SLC38A12: variants seen among roughly 807,000 people sequenced by gnomAD.
SLC38A12 encodes the protein putative sodium-coupled neutral amino acid transporter 12.
chr17:74,795,676 C>T, the SLC38A12 span: 1 of 1,498,914 alleles, frequency 6.7e-7, no homozygotes, highest in Non-Finnish European at 9.3e-7. Flanking sequence ...GCCCAGCCTG[C>T]ACAGCTGAGG....
the SLC38A12 span, among the ~76,000 whole-genome samples, chr17:74,778,724 C>CT: frequency 6.8e-6 from 1 of 147,416 alleles, no homozygotes; most frequent in Non-Finnish European, 1.5e-5. Flanking sequence ...TCTCGGCTCA[C>CT]TGCAACCTCT....
the SLC38A12 span, among the ~76,000 whole-genome samples, chr17:74,834,865 G>A: frequency 1.3e-5 from 2 of 152,228 alleles, no homozygotes; most frequent in Non-Finnish European, 1.5e-5. Flanking sequence ...GGTGGTCTCC[G>A]TGTGTGAGTA....
chr17:74,793,300 C>T, the SLC38A12 span, among the ~76,000 whole-genome samples: 1 of 152,112 alleles, frequency 6.6e-6, no homozygotes, highest in Admixed American at 6.5e-5. Flanking sequence ...CCAGTAGCAC[C>T]TCCTACTTAT....
At chr17:74,825,477 T>G in the SLC38A12 span, among the ~76,000 whole-genome samples, 1 of 152,396 alleles carries the variant, frequency 6.6e-6, no homozygotes, top group South Asian at 2.1e-4. Flanking sequence ...GAACGCTTGC[T>G]GGCAAACAGC....
chr17:74,804,011 A>G, the SLC38A12 span, among the ~76,000 whole-genome samples: 155 of 152,344 alleles, frequency 1.0e-3, 2 homozygotes, highest in Admixed American at 7.5e-3. Context: ...ATGTTCTTCA[A>G]TATTTTGTGC....
At chr17:74,788,829 G>C in the SLC38A12 span, 1 of 1,613,538 alleles carries the variant, frequency 6.2e-7, no homozygotes, top group Non-Finnish European at 8.5e-7. Context: ...CATGGCTGCA[G>C]CCAACGCGCA....
chr17:74,784,010 A>C, the SLC38A12 span, among the ~76,000 whole-genome samples: 7 of 151,240 alleles, frequency 4.6e-5, no homozygotes, highest in Admixed American at 2.0e-4. Context: ...TACAGGCATG[A>C]GCCACTGCAT....
the SLC38A12 span, among the ~76,000 whole-genome samples, chr17:74,783,687 A>G: frequency 2.0e-5 from 3 of 150,620 alleles, no homozygotes; most frequent in African/African-American, 4.9e-5. Flanking sequence ...GCTCCAAGGC[A>G]GGAGTTGGCA....
At chr17:74,815,982 C>T in the SLC38A12 span, among the ~76,000 whole-genome samples, 2 of 152,184 alleles carry the variant, frequency 1.3e-5, no homozygotes, top group African/African-American at 2.4e-5. Context: ...AACAGGCCCC[C>T]GTGAGGCTGC....
At chr17:74,777,115 C>G in the SLC38A12 span, 2 of 625,308 alleles carry the variant, frequency 3.2e-6, no homozygotes, top group East Asian at 2.7e-5. Flanking sequence ...TCCAGGGTGA[C>G]CCCTCCCTCG....
the SLC38A12 span, among the ~76,000 whole-genome samples, chr17:74,797,592 G>T: frequency 2.9e-3 from 442 of 152,294 alleles, 2 homozygotes; most frequent in Non-Finnish European, 5.3e-3. Context: ...ATGGGCCTTG[G>T]CATTGTCTCA....
the SLC38A12 span, chr17:74,835,842 C>T: frequency 6.6e-7 from 1 of 1,509,226 alleles, no homozygotes; most frequent in Non-Finnish European, 8.8e-7. Flanking sequence ...GGGCTCTAGT[C>T]CCCGCAAAGG....
At chr17:74,779,991 T>C in the SLC38A12 span, among the ~76,000 whole-genome samples, 1 of 152,200 alleles carries the variant, frequency 6.6e-6, no homozygotes, top group Non-Finnish European at 1.5e-5. Context: ...GATCTCAGGA[T>C]AGGCATGTCT....
the SLC38A12 span, among the ~76,000 whole-genome samples, chr17:74,814,598 C>T: frequency 5.3e-5 from 8 of 152,296 alleles, no homozygotes; most frequent in African/African-American, 1.4e-4. Flanking sequence ...TTAGGCAGAG[C>T]AGGTGACTCT....
chr17:74,820,795 A>G, the SLC38A12 span, among the ~76,000 whole-genome samples: 3 of 151,948 alleles, frequency 2.0e-5, no homozygotes, highest in African/African-American at 4.8e-5. Flanking sequence ...TTCTACCCTC[A>G]TCCAGACTCT....
chr17:74,819,300 C>G, the SLC38A12 span, among the ~76,000 whole-genome samples: 1 of 152,224 alleles, frequency 6.6e-6, no homozygotes, highest in African/African-American at 2.4e-5. Context: ...TCCTGGGGTC[C>G]CTCCCCACTG....
the SLC38A12 span, among the ~76,000 whole-genome samples, chr17:74,786,585 G>A: frequency 1.4e-4 from 22 of 152,326 alleles, no homozygotes; most frequent in African/African-American, 3.8e-4. Context: ...CTAGGATGCC[G>A]GCTGAAGCAG....
chr17:74,820,258 A>G, the SLC38A12 span, among the ~76,000 whole-genome samples: 1 of 152,096 alleles, frequency 6.6e-6, no homozygotes, highest in African/African-American at 2.4e-5. Context: ...CGTTCTCATG[A>G]GTGTGCTATG....
the SLC38A12 span, chr17:74,836,189 C>A: frequency 5.6e-6 from 9 of 1,612,642 alleles, no homozygotes; most frequent in Non-Finnish European, 7.6e-6. The surrounding 1 kb of genome is among the most constrained non-coding windows in gnomAD (Gnocchi z 4.2). Context: ...GCTTCCGCGG[C>A]GACAGCCTCA....
Sources: allele counts gnomAD v4.1 joint callset (sites outside exome capture counted in the v4.1 genomes callset), GRCh38; gene constraint gnomAD v4.1.1; non-coding constraint Gnocchi (gnomAD v3.1); transcripts MANE v1.5; gene names NCBI Gene and HGNC (gene_info 2026-07-23, HGNC 2026-07-21).